Variants in PDSS2 observed in about 807,000 individuals in gnomAD.
The protein encoded by PDSS2 is all trans-polyprenyl-diphosphate synthase PDSS2.
A neutral mutation model predicts 44.5 loss-of-function variants in PDSS2; 31 were observed. That is an observed-to-expected ratio of 0.70 (90% CI 0.52 to 0.94). The LOEUF is 0.94. PDSS2 is among the 40% of genes least tolerant of loss of function. PDSS2 has a pLI of 0.00. For synonymous variants in PDSS2, 157 were observed against 180.3 expected, an observed-to-expected ratio of 0.87 and a Z score of 1.03; for missense variants, 452 against 482.2, an observed-to-expected ratio of 0.94 and a Z score of 0.59.
At chr6:107,170,846 C>T (rs1771547954) in intron 7 of PDSS2, among the ~76,000 whole-genome samples, 1 of 152,070 alleles carries the variant, frequency 6.6e-6, no homozygotes, top group Non-Finnish European at 1.5e-5. Context: ...CTCCTGACCT[C>T]AAGTGATCCT....
intron 1 of PDSS2, among the ~76,000 whole-genome samples, chr6:107,422,624 CGTA>C (rs1354294071): frequency 2.6e-5 from 4 of 151,830 alleles, no homozygotes; most frequent in Admixed American, 2.6e-4. Flanking sequence ...TGAAATATCA[CGTA>C]GTTGTTAAAA....
At chr6:107,363,310 C>T (rs1778839849) in intron 1 of PDSS2, among the ~76,000 whole-genome samples, 1 of 152,242 alleles carries the variant, frequency 6.6e-6, no homozygotes, top group South Asian at 2.1e-4. Flanking sequence ...AATGAAGCCG[C>T]AGACCCTCGC....
In PDSS2 at chr6:107,429,893, AAAAAAAAAATATAT is replaced by A. The variant is rs1233262121; in HGVS notation, c.296+29083_296+29096del. ...GAGCAAAACTTAGTCTCAAAAAAAA[AAAAAAAAAATATAT>A]ATATATATATATATATATATATATA... On this transcript the variant is annotated intron_variant, in intron 1 of 7. Transcript: ENST00000369037. 3.1e-4 allele frequency among the ~76,000 whole-genome samples: 13 copies of A among 42,022 alleles called. 2 individuals are homozygous for A. In the East Asian group the frequency reaches 6.6e-3, roughly 21 times the overall value. The allele number at this position is 42,022 out of a possible 152,430, so 27.6% of individuals were successfully genotyped here.
At chr6:107,367,975 A>G (rs1404226159) in intron 1 of PDSS2, among the ~76,000 whole-genome samples, 1 of 152,012 alleles carries the variant, frequency 6.6e-6, no homozygotes, top group African/African-American at 2.4e-5. Context: ...ATATTAAAAA[A>G]CTATTGTATT....
At chr6:107,363,178 G>C (rs890595858) in intron 1 of PDSS2, among the ~76,000 whole-genome samples, 1 of 152,162 alleles carries the variant, frequency 6.6e-6, no homozygotes, top group Non-Finnish European at 1.5e-5. Flanking sequence ...ACAGAACAAA[G>C]CCATTCAACT....
At chr6:107,306,149 T>C (rs1280555183) in intron 2 of PDSS2, among the ~76,000 whole-genome samples, 1 of 152,216 alleles carries the variant, frequency 6.6e-6, no homozygotes, top group African/African-American at 2.4e-5. Flanking sequence ...AGAAACTGAC[T>C]AAACAACTTA....
chr6:107,183,138 G>A (rs551518543), intron 7 of PDSS2, among the ~76,000 whole-genome samples: 3 of 151,860 alleles, frequency 2.0e-5, no homozygotes, highest in East Asian at 1.9e-4. Context: ...CTTGAGCCCG[G>A]GAGGTCAATA....
intron 2 of PDSS2, among the ~76,000 whole-genome samples, chr6:107,288,354 C>T (rs1031969744): frequency 7.9e-5 from 12 of 152,116 alleles, no homozygotes; most frequent in Admixed American, 3.3e-4. Context: ...ATTATTCTAT[C>T]TCCATTGTGT....
At chr6:107,384,363 G>A (rs1334122588) in intron 1 of PDSS2, among the ~76,000 whole-genome samples, 1 of 152,078 alleles carries the variant, frequency 6.6e-6, no homozygotes, top group Non-Finnish European at 1.5e-5. Flanking sequence ...TAAACTGGCT[G>A]GGCGCGGTGG....
At chr6:107,330,221 G>A (rs2500576) in intron 2 of PDSS2, among the ~76,000 whole-genome samples, 113,569 of 151,970 alleles carry the variant, frequency 0.75, 44,002 homozygotes, top group East Asian at 0.97. Flanking sequence ...GAGTATTACA[G>A]ATGCAACATT....
intron 4 of PDSS2, among the ~76,000 whole-genome samples, chr6:107,233,968 A>G (rs989362617): frequency 6.6e-6 from 1 of 152,164 alleles, no homozygotes; most frequent in African/African-American, 2.4e-5. Flanking sequence ...GGAGCCCAAG[A>G]CCAGCCTGGG....
At chr6:107,390,427 T>G (rs954226588) in intron 1 of PDSS2, among the ~76,000 whole-genome samples, 1 of 152,030 alleles carries the variant, frequency 6.6e-6, no homozygotes, top group Non-Finnish European at 1.5e-5. Context: ...AGTTGACCAA[T>G]ACTCCTCAAA....
intron 4 of PDSS2, among the ~76,000 whole-genome samples, chr6:107,221,063 A>C (rs1417599871): frequency 6.6e-6 from 1 of 152,172 alleles, no homozygotes; most frequent in Non-Finnish European, 1.5e-5. Context: ...CTATATCAGG[A>C]CGGGCGCGGT....
chr6:107,173,891 C>T (rs1160012081), intron 7 of PDSS2, among the ~76,000 whole-genome samples: 1 of 152,070 alleles, frequency 6.6e-6, no homozygotes, highest in Non-Finnish European at 1.5e-5. Flanking sequence ...AAAGTATAAG[C>T]TGCAATTTGG....
At chr6:107,417,104 C>G (rs943085826) in intron 1 of PDSS2, among the ~76,000 whole-genome samples, 1 of 151,940 alleles carries the variant, frequency 6.6e-6, no homozygotes, top group Non-Finnish European at 1.5e-5. Context: ...TTTAAAGAAG[C>G]ACTTACAGCA....
At chr6:107,260,104 C>T (rs544343782) in intron 3 of PDSS2, among the ~76,000 whole-genome samples, 1 of 152,282 alleles carries the variant, frequency 6.6e-6, no homozygotes, top group East Asian at 1.9e-4. Context: ...CCATACTTTC[C>T]AACAAACCCA....
At chr6:107,219,958 C>T (rs562882904) in intron 4 of PDSS2, among the ~76,000 whole-genome samples, 3 of 152,290 alleles carry the variant, frequency 2.0e-5, no homozygotes, top group African/African-American at 7.2e-5. Context: ...CTGACACATG[C>T]TATGCCATGG....
chr6:107,285,074 G>C (rs552316215), intron 2 of PDSS2, among the ~76,000 whole-genome samples: 5 of 152,134 alleles, frequency 3.3e-5, no homozygotes, highest in African/African-American at 9.7e-5. Context: ...TAAAGCCTGG[G>C]CTCTTTGCAT....
intron 3 of PDSS2, among the ~76,000 whole-genome samples, chr6:107,264,980 T>C (rs996979718): frequency 6.6e-6 from 1 of 152,206 alleles, no homozygotes; most frequent in Admixed American, 6.5e-5. Flanking sequence ...AACTTGCCCT[T>C]ATGTTCCATA....
Sources: allele counts gnomAD v4.1 joint callset (sites outside exome capture counted in the v4.1 genomes callset), GRCh38; gene constraint gnomAD v4.1.1; transcripts MANE v1.5; gene names NCBI Gene and HGNC (gene_info 2026-07-23, HGNC 2026-07-21).